MAU2: variants seen among roughly 807,000 people sequenced by gnomAD.
The protein encoded by MAU2 is MAU2 chromatid cohesion factor homolog.
In MAU2, 9 loss-of-function variants were observed where a neutral mutation model predicts 89.1. The ratio of observed to expected loss-of-function variants is 0.10; its 90% CI spans 0.06 to 0.18. MAU2 has a LOEUF of 0.18. Ranked by LOEUF, MAU2 falls within the 10% of genes least tolerant of loss-of-function variation. The probability of loss-of-function intolerance (pLI) is 1.00; values close to 1 mark genes in which losing one functional copy is unlikely to be tolerated. For synonymous variants in MAU2, 357 were observed against 343.4 expected (o/e 1.04, Z -0.44); for missense variants, 425 against 803.5 (o/e 0.53, Z 5.69).
At chr19:19,347,084 G>A (rs1460247775) in intron 12 of MAU2, 196 bp from the exon 13 acceptor site, 11 of 558,840 alleles carry the variant, frequency 2.0e-5, no homozygotes, top group Non-Finnish European at 3.2e-5. Flanking sequence ...GCCCCGTAAC[G>A]CAGATGATGG....
Position 19,336,195 on chromosome 19 carries a change from CAT to C in MAU2, c.360+11_360+12del, listed in dbSNP as rs2061595055. 6.2e-7 allele frequency: 1 copy of C among 1,605,570 alleles called. No homozygotes were observed. Among genetic ancestry groups the C allele is most frequent in the African/African-American group, 1.3e-5 (1 of 74,828 alleles). ...GAATTGTACTGTCAAGAGGTAAGAA[CAT>C]ATTAAGGTTTCTGAAAGCAAAGTGT... On this transcript the variant is annotated intron_variant, in intron 3 of 18. Coordinates refer to ENST00000262815, the MANE Select transcript of MAU2 (RefSeq NM_015329.4).
At chr19:19,344,669 C>T in intron 10 of MAU2, 180 bp from the exon 11 acceptor site, 1 of 613,806 alleles carries the variant, frequency 1.6e-6, no homozygotes, top group East Asian at 2.7e-5. Context: ...GGGTCCCTGT[C>T]CACGATGGGA....
intron 16 of MAU2, among the ~76,000 whole-genome samples, chr19:19,349,747 G>A (rs892583695): frequency 6.6e-6 from 1 of 152,162 alleles, no homozygotes; most frequent in South Asian, 2.1e-4. Context: ...TGGGGATGAC[G>A]CAGCCACCCC....
chr19:19,329,430 C>G (rs2061537438), intron 1 of MAU2, among the ~76,000 whole-genome samples: 1 of 152,146 alleles, frequency 6.6e-6, no homozygotes, highest in Non-Finnish European at 1.5e-5. Context: ...TTCCTGATTG[C>G]CAGTTACTAT....
intron 1 of MAU2, among the ~76,000 whole-genome samples, chr19:19,331,681 C>T (rs1156892461): frequency 1.3e-5 from 2 of 151,934 alleles, no homozygotes; most frequent in East Asian, 3.9e-4. Flanking sequence ...ATGGGACGAT[C>T]ACCTGAGCCC....
At chr19:19,339,432 C>T (rs1236574999) in intron 5 of MAU2, among the ~76,000 whole-genome samples, 2 of 150,700 alleles carry the variant, frequency 1.3e-5, no homozygotes, top group Non-Finnish European at 3.0e-5. Flanking sequence ...GGCGACAGAG[C>T]GAGACTCCGT....
At chr19:19,323,123 G>A (rs574008642) in intron 1 of MAU2, among the ~76,000 whole-genome samples, 1 of 151,872 alleles carries the variant, frequency 6.6e-6, no homozygotes, top group Non-Finnish European at 1.5e-5. Context: ...TCCTGACCTT[G>A]TGATCCACTC....
chr19:19,336,845 C>T (rs1376041022), intron 3 of MAU2, among the ~76,000 whole-genome samples: 2 of 152,184 alleles, frequency 1.3e-5, no homozygotes, highest in African/African-American at 4.8e-5. Context: ...GTGCTTCACA[C>T]CCTGATGCCT....
intron 1 of MAU2, among the ~76,000 whole-genome samples, chr19:19,328,204 C>G (rs1474384335): frequency 6.6e-6 from 1 of 151,586 alleles, no homozygotes; most frequent in African/African-American, 2.4e-5. Context: ...TCTGCAGATT[C>G]TGACAGGTTG....
intron 1 of MAU2, chr19:19,321,998 CTTT>C (rs1165328240): frequency 4.9e-5 from 7 of 141,526 alleles, no homozygotes; most frequent in East Asian, 2.1e-4. Context: ...AGTAAACTTT[CTTT>C]TTTTTTTTTT....
chr19:19,351,653 C>T (rs2061745601), intron 16 of MAU2, among the ~76,000 whole-genome samples: 1 of 151,558 alleles, frequency 6.6e-6, no homozygotes, highest in African/African-American at 2.4e-5. Flanking sequence ...GCACTCCAGC[C>T]TGGACAACAC....
chr19:19,349,717 A>C (rs2061725633), intron 16 of MAU2, among the ~76,000 whole-genome samples: 1 of 152,118 alleles, frequency 6.6e-6, no homozygotes, highest in African/African-American at 2.4e-5. Flanking sequence ...GCCAGAACCA[A>C]AGGAGCTGCC....
intron 6 of MAU2, 107 bp from the exon 7 acceptor site, chr19:19,341,145 A>C: frequency 7.4e-7 from 1 of 1,351,996 alleles, no homozygotes; most frequent in Non-Finnish European, 1.0e-6. Flanking sequence ...TGCCCTCTGG[A>C]TTGGTGGCAG....
chr19:19,328,755 C>G (rs2061531881), intron 1 of MAU2, among the ~76,000 whole-genome samples: 1 of 152,178 alleles, frequency 6.6e-6, no homozygotes, highest in Non-Finnish European at 1.5e-5. Context: ...ATCACAGTCC[C>G]TTTTATCCCT....
intron 5 of MAU2, 139 bp from the exon 6 acceptor site, chr19:19,340,707 G>C (rs2061637609): frequency 3.3e-6 from 2 of 609,136 alleles, no homozygotes; most frequent in African/African-American, 3.7e-5. Flanking sequence ...GAGCAGTCTT[G>C]TAAGGGGACT....
At chr19:19,352,223 A>G (rs2965195) in intron 16 of MAU2, 122,363 of 151,540 alleles carry the variant, frequency 0.81, 49,836 homozygotes, top group East Asian at 1. Context: ...TTTTGAAGCC[A>G]CATCTACTCT....
intron 1 of MAU2, among the ~76,000 whole-genome samples, chr19:19,322,737 T>C (rs1472576221): frequency 6.8e-6 from 1 of 147,426 alleles, no homozygotes; most frequent in Non-Finnish European, 1.5e-5. Context: ...GAATAGAAAA[T>C]TATTGAAAAG....
chr19:19,351,554 C>T (rs919718555), intron 16 of MAU2, among the ~76,000 whole-genome samples: 1 of 151,786 alleles, frequency 6.6e-6, no homozygotes, highest in Non-Finnish European at 1.5e-5. Flanking sequence ...TGGACTCATG[C>T]TTGTGGTCCC....
intron 1 of MAU2, among the ~76,000 whole-genome samples, chr19:19,331,161 A>G (rs556274821): frequency 6.6e-6 from 1 of 152,026 alleles, no homozygotes; most frequent in Non-Finnish European, 1.5e-5. Context: ...CTTTGCTATC[A>G]TAAGGAAGGA....
Sources: allele counts gnomAD v4.1 joint callset (sites outside exome capture counted in the v4.1 genomes callset), GRCh38; gene constraint gnomAD v4.1.1; transcripts MANE v1.5; gene names NCBI Gene and HGNC (gene_info 2026-07-23, HGNC 2026-07-21).